Variants in PTPRN2 observed in about 807,000 individuals in gnomAD.
PTPRN2 encodes protein tyrosine phosphatase receptor type N2, also known as receptor-type tyrosine-protein phosphatase N2.
Under a neutral mutation model 118.8 loss-of-function variants are expected in PTPRN2, and 74 were observed. That is an observed-to-expected ratio of 0.62 (90% CI 0.52 to 0.76). PTPRN2 has a LOEUF of 0.76. Ranked by LOEUF, PTPRN2 falls within the 30% of genes least tolerant of loss-of-function variation. The pLI is 0.00. For synonymous variants in PTPRN2, 641 were observed against 608.0 expected (o/e 1.05, Z -0.80); for missense variants, 1,481 against 1,394.4 (o/e 1.06, Z -0.99).
chr7:158,021,712 C>T (rs142155892), intron 11 of PTPRN2, among the ~76,000 whole-genome samples: 18 of 152,218 alleles, frequency 1.2e-4, no homozygotes, highest in African/African-American at 3.4e-4. Context: ...GAGGAGCAGC[C>T]CTGCCCCACC....
At chr7:158,500,834 G>A (rs1822307928) in intron 1 of PTPRN2, among the ~76,000 whole-genome samples, 1 of 152,270 alleles carries the variant, frequency 6.6e-6, no homozygotes, top group Admixed American at 6.5e-5. Flanking sequence ...CAGTCCCCGA[G>A]TTTCTGACCT....
At chr7:158,245,781 C>T (rs1166754681) in intron 3 of PTPRN2, among the ~76,000 whole-genome samples, 4 of 152,164 alleles carry the variant, frequency 2.6e-5, no homozygotes, top group African/African-American at 7.2e-5. Flanking sequence ...AAGCAGCCGG[C>T]TCAGGGCCGG....
chr7:158,169,391 C>T lies in PTPRN2; in HGVS notation c.550-2100G>A, dbSNP rs556663352. Among the ~76,000 whole-genome samples the T allele has an allele frequency of 3.3e-5, 5 of 151,290 alleles. No individual in the cohort carries two copies. In the East Asian group the frequency reaches 7.9e-4, roughly 24 times the overall value. On this transcript the variant is annotated intron_variant, in intron 5 of 22. Coordinates refer to ENST00000389418, the MANE Select transcript of PTPRN2 (RefSeq NM_002847.5). ...CCAAGTAGCTGGGACCACAGGAACACACCACCATACCTGGCTGCTTTTGTG... is the reference window on the plus strand; with the variant it reads ...CCAAGTAGCTGGGACCACAGGAACATACCACCATACCTGGCTGCTTTTGTG...
intron 17 of PTPRN2, among the ~76,000 whole-genome samples, chr7:157,578,682 A>G (rs187177784): frequency 1.0e-4 from 16 of 152,382 alleles, no homozygotes; most frequent in South Asian, 2.1e-4. Context: ...GCAAATACCA[A>G]ATTGATTTAC....
At chr7:157,897,910 T>C (rs945493744) in intron 12 of PTPRN2, among the ~76,000 whole-genome samples, 1 of 152,278 alleles carries the variant, frequency 6.6e-6, no homozygotes, top group Admixed American at 6.5e-5. Flanking sequence ...GGAGCGCAGA[T>C]TGGCTTCGGT....
chr7:157,849,064 C>G (rs531835886), intron 12 of PTPRN2, among the ~76,000 whole-genome samples: 4 of 152,272 alleles, frequency 2.6e-5, no homozygotes, highest in African/African-American at 7.2e-5. Context: ...TCGGTCCCAG[C>G]GTGGCTGGCG....
chr7:158,127,304 T>C (rs1817773896), intron 9 of PTPRN2, among the ~76,000 whole-genome samples: 1 of 151,928 alleles, frequency 6.6e-6, no homozygotes, highest in South Asian at 2.1e-4. Context: ...CTCCTCTGCG[T>C]GCACCCTGCG....
Position 158,171,131 on chromosome 7 carries a change from T to C in PTPRN2, c.550-3840A>G, listed in dbSNP as rs201629687. ...ATATATATACACACATATATACACATATATACACACATATATATACACATA... is the reference window on the plus strand; with the variant it reads ...ATATATATACACACATATATACACACATATACACACATATATATACACATA... On this transcript the variant is annotated intron_variant, in intron 5 of 22. Coordinates refer to ENST00000389418, the MANE Select transcript of PTPRN2 (RefSeq NM_002847.5). Among the ~76,000 whole-genome samples the C allele has an allele frequency of 9.0e-3, 637 of 70,852 alleles. 27 individuals are homozygous for C. The highest frequency in any genetic ancestry group is 0.016 in the Admixed American group (83 of 5,214). 46.5% of individuals were successfully genotyped at this position (70,852 alleles called of 152,430 possible).
chr7:157,668,833 G>A (rs576473775), intron 13 of PTPRN2, among the ~76,000 whole-genome samples: 43 of 152,308 alleles, frequency 2.8e-4, no homozygotes, highest in Middle Eastern at 3.4e-3. Context: ...GGAAAAGGCC[G>A]GGGAAAAATA....
chr7:158,083,842 G>T (rs1441896662), intron 10 of PTPRN2, among the ~76,000 whole-genome samples: 5 of 149,186 alleles, frequency 3.4e-5, no homozygotes, highest in African/African-American at 1.2e-4. Flanking sequence ...CAGGAACCCT[G>T]TGGGAGGACG....
intron 2 of PTPRN2, among the ~76,000 whole-genome samples, chr7:158,415,269 T>C (rs1050476415): frequency 1.3e-5 from 2 of 152,088 alleles, no homozygotes; most frequent in African/African-American, 2.4e-5. Context: ...ATGAATGACG[T>C]CAAACAAACA....
intron 5 of PTPRN2, among the ~76,000 whole-genome samples, chr7:158,176,540 T>C (rs1411294006): frequency 6.6e-6 from 1 of 152,150 alleles, no homozygotes; most frequent in Non-Finnish European, 1.5e-5. Flanking sequence ...TCGGCTTCCA[T>C]GGAGCACAGG....
intron 11 of PTPRN2, among the ~76,000 whole-genome samples, chr7:157,934,568 T>G (rs1262694449): frequency 1.3e-5 from 2 of 152,222 alleles, no homozygotes; most frequent in Non-Finnish European, 2.9e-5. Flanking sequence ...TCCACTTCAA[T>G]TTTTACTTGT....
At chr7:157,872,749 C>T (rs1177274927) in intron 12 of PTPRN2, among the ~76,000 whole-genome samples, 1 of 152,266 alleles carries the variant, frequency 6.6e-6, no homozygotes, top group Non-Finnish European at 1.5e-5. Flanking sequence ...CCTCAGTCCA[C>T]ATGCCCCTCC....
rs749999260 is a variant in PTPRN2, at chr7:158,071,600, GGTGGAGGTGCTC to G, written c.1723+9686_1723+9697del. Among the ~76,000 whole-genome samples, 664 of 110,434 alleles carry G rather than the reference GGTGGAGGTGCTC, an allele frequency of 6.0e-3. 24 individuals carry two copies. Among genetic ancestry groups the G allele is most frequent in the Non-Finnish European group, 9.2e-3 (474 of 51,448 alleles). 72.4% of individuals were successfully genotyped at this position (110,434 alleles called of 152,430 possible). ...AGGTGCTCCTGGTGGAGGTGCTCCTGGTGGAGGTGCTCGTGGTGGAGGTGCTCGTGGTGGTGG... is the reference window on the plus strand; with the variant it reads ...AGGTGCTCCTGGTGGAGGTGCTCCTGGTGGTGGAGGTGCTCGTGGTGGTGG... On this transcript the variant is annotated intron_variant, in intron 11 of 22. Transcript: ENST00000389418.
At chr7:157,970,563 C>T (rs768967612) in intron 11 of PTPRN2, among the ~76,000 whole-genome samples, 1 of 151,934 alleles carries the variant, frequency 6.6e-6, no homozygotes, top group Non-Finnish European at 1.5e-5. Flanking sequence ...TGCAGCTGCG[C>T]AGATGGCAGG....
At chr7:158,262,400 ACACACACATACATACATT>A (rs1309444093) in intron 3 of PTPRN2, among the ~76,000 whole-genome samples, 1 of 145,348 alleles carries the variant, frequency 6.9e-6, no homozygotes, top group Non-Finnish European at 1.5e-5. Context: ...CACACACTGC[ACACACACATACATACATT>A]CACACACATA....
At chr7:157,940,489 A>G (rs1408061314) in intron 11 of PTPRN2, among the ~76,000 whole-genome samples, 1 of 150,196 alleles carries the variant, frequency 6.7e-6, no homozygotes, top group Non-Finnish European at 1.5e-5. Context: ...TGACACTGCA[A>G]ATCTAACACC....
intron 11 of PTPRN2, among the ~76,000 whole-genome samples, chr7:158,056,959 A>G (rs979666728): frequency 6.6e-6 from 1 of 152,112 alleles, no homozygotes; most frequent in Admixed American, 6.5e-5. Context: ...CCCTTATCCG[A>G]TGATCAGCCA....
Sources: gnomAD v4.1 joint callset for allele counts (sites outside exome capture counted in the v4.1 genomes callset) on GRCh38, gnomAD v4.1.1 for gene constraint, MANE v1.5 for transcripts, NCBI Gene and HGNC (gene_info 2026-07-23, HGNC 2026-07-21) for gene names.